ACOXL: variants seen among roughly 807,000 people sequenced by gnomAD.
ACOXL encodes the protein acyl-CoA oxidase like, also known as acyl-coenzyme A oxidase-like protein.
In ACOXL, 70 loss-of-function variants were observed where a neutral mutation model predicts 71.9. The ratio of observed to expected loss-of-function variants is 0.97; its 90% CI spans 0.80 to 1.19. The LOEUF (loss-of-function observed/expected upper bound fraction) is 1.19, where lower values mean the gene tolerates loss of function less well. Ranked by LOEUF, ACOXL falls within the 50% of genes most tolerant of loss-of-function variation. The pLI, the probability that ACOXL is intolerant of heterozygous loss-of-function variation, is 0.00. For missense variants in ACOXL, 703 were observed against 736.3 expected (o/e 0.95, Z 0.52); for synonymous variants, 253 against 281.6 (o/e 0.90, Z 1.02).
chr2:111,069,995 TAGA>T lies in ACOXL; in HGVS notation c.1440+20716_1440+20718del, dbSNP rs2067263847. On this transcript the variant is annotated intron_variant, in intron 16 of 17. Coordinates refer to ENST00000439055, the MANE Select transcript of ACOXL (RefSeq NM_001142807.4). Reference sequence around the variant, plus strand: ...GCAGCCAGCCCTGTGACCCCCCAAATAGAAGAAGAAGCATGTCCGTCGGCCTGC... The same window carrying T: ...GCAGCCAGCCCTGTGACCCCCCAAATAGAAGAAGCATGTCCGTCGGCCTGC... Among the ~76,000 whole-genome samples the T allele has an allele frequency of 2.0e-5, 3 of 151,920 alleles. No homozygotes were observed. The South Asian group carries it at 6.3e-4, about 32-fold the overall frequency.
chr2:110,763,473 G>A (rs888874412), intron 1 of ACOXL, among the ~76,000 whole-genome samples: 2 of 152,156 alleles, frequency 1.3e-5, no homozygotes, highest in Non-Finnish European at 2.9e-5. Flanking sequence ...GTGACAACTG[G>A]ACGTCAACAT....
intron 12 of ACOXL, among the ~76,000 whole-genome samples, chr2:110,959,415 A>G (rs1224504659): frequency 6.6e-6 from 1 of 152,142 alleles, no homozygotes; most frequent in African/African-American, 2.4e-5. Context: ...TTTCTTGGGC[A>G]CCGGCTCAAA....
chr2:110,797,654 C>T lies in ACOXL; in HGVS notation c.346-956C>T, dbSNP rs771351777. ...GGAAGGTTCAGGGCCTGGGAAACAGCGAGGAACCAAGTGATTTGCCCAGAA... is the reference window on the plus strand; with the variant it reads ...GGAAGGTTCAGGGCCTGGGAAACAGTGAGGAACCAAGTGATTTGCCCAGAA... On this transcript the variant is annotated intron_variant, in intron 5 of 17. Coordinates refer to ENST00000439055, the MANE Select transcript of ACOXL (RefSeq NM_001142807.4). Among the ~76,000 whole-genome samples the T allele has an allele frequency of 3.3e-5, 5 of 152,246 alleles. No homozygotes were observed. The East Asian group carries it at 7.7e-4, about 24-fold the overall frequency.
intron 10 of ACOXL, among the ~76,000 whole-genome samples, chr2:110,901,006 C>T (rs1201721703): frequency 1.3e-5 from 2 of 152,198 alleles, no homozygotes; most frequent in Admixed American, 1.3e-4. Context: ...TGGGAGGAGG[C>T]AGCCTGATCC....
chr2:111,088,118 C>T (rs1175055672), intron 16 of ACOXL, among the ~76,000 whole-genome samples: 3 of 152,156 alleles, frequency 2.0e-5, no homozygotes, highest in Admixed American at 6.6e-5. Flanking sequence ...GTCAAAATGG[C>T]TGTTATTAAA....
At chr2:110,802,942 T>G (rs1391570839) in intron 8 of ACOXL, among the ~76,000 whole-genome samples, 5 of 152,220 alleles carry the variant, frequency 3.3e-5, no homozygotes, top group Non-Finnish European at 5.9e-5. Context: ...ACCCTGATTT[T>G]ATTATTATAC....
At chr2:111,054,056 C>T (rs1216584806) in intron 16 of ACOXL, among the ~76,000 whole-genome samples, 5 of 152,160 alleles carry the variant, frequency 3.3e-5, no homozygotes, top group Non-Finnish European at 5.9e-5. Flanking sequence ...CTGGAACATT[C>T]CCCATGCTAC....
chr2:110,774,872 G>C (rs75783221), intron 2 of ACOXL, among the ~76,000 whole-genome samples: 1 of 152,172 alleles, frequency 6.6e-6, no homozygotes, highest in Non-Finnish European at 1.5e-5. Context: ...AGCAATCTTG[G>C]AAAAGAAGAA....
intron 1 of ACOXL, among the ~76,000 whole-genome samples, chr2:110,767,177 A>G (rs189245161): frequency 1.1e-4 from 16 of 152,326 alleles, no homozygotes; most frequent in Middle Eastern, 3.4e-3. Flanking sequence ...GTGAGGTCCT[A>G]CAGGCTCAGG....
intron 9 of ACOXL, among the ~76,000 whole-genome samples, chr2:110,835,576 C>T (rs997907009): frequency 3.9e-5 from 6 of 152,338 alleles, no homozygotes; most frequent in Admixed American, 3.9e-4. Context: ...TCCTCCAGAC[C>T]TGCCAGTGGG....
rs939502888 is a variant in ACOXL at position 111,022,638 on chromosome 2, G to A, written c.1282-8989G>A. ...TGGGGACCCCGAGGAAGGCAGCCGC[G>A]TGTTCTGCCCACATCAGCCAGTGCA... On this transcript the variant is annotated intron_variant, in intron 14 of 17. Transcript: ENST00000439055. Among the ~76,000 whole-genome samples, 14 of 152,236 alleles carry A rather than the reference G, an allele frequency of 9.2e-5. No homozygotes were observed. In the South Asian group the frequency reaches 1.5e-3, roughly 16 times the overall value.
chr2:110,759,364 A>G (rs935565396), intron 1 of ACOXL, among the ~76,000 whole-genome samples: 2 of 152,144 alleles, frequency 1.3e-5, no homozygotes, highest in African/African-American at 2.4e-5. Flanking sequence ...GTGCTCCTGT[A>G]TTGGGTGCAT....
intron 10 of ACOXL, among the ~76,000 whole-genome samples, chr2:110,886,107 A>G (rs1259003964): frequency 6.6e-6 from 1 of 152,246 alleles, no homozygotes; most frequent in East Asian, 1.9e-4. Context: ...ATATATATAC[A>G]TGCACGTGCT....
chr2:111,092,080 A>G (rs570803602), intron 16 of ACOXL, among the ~76,000 whole-genome samples: 1 of 152,230 alleles, frequency 6.6e-6, no homozygotes, highest in East Asian at 1.9e-4. Context: ...ACACAGTGAG[A>G]TATTTGTGGG....
At chr2:110,865,304 C>T (rs1020549235) in intron 10 of ACOXL, among the ~76,000 whole-genome samples, 11 of 152,190 alleles carry the variant, frequency 7.2e-5, no homozygotes, top group African/African-American at 2.7e-4. Context: ...ACGGCAGGTG[C>T]GTAGGGTGGG....
At chr2:111,088,505 A>G (rs1267378022) in intron 16 of ACOXL, among the ~76,000 whole-genome samples, 1 of 152,212 alleles carries the variant, frequency 6.6e-6, no homozygotes, top group African/African-American at 2.4e-5. Context: ...ACTGGAGCCC[A>G]TTATCCTTAA....
rs144328558 is a variant in ACOXL, at chr2:110,894,090, T to C, written c.789-14699T>C. ...ACTTTCTAAAAGTCGTATCTAAATA[T>C]GTCATATTTGAAACCTGCAATAGAA... On this transcript the variant is annotated intron_variant, in intron 10 of 17. Transcript: ENST00000439055. Among the ~76,000 whole-genome samples, 1,480 of 152,274 alleles carry C rather than the reference T, an allele frequency of 9.7e-3. 27 individuals carry two copies. The highest frequency in any genetic ancestry group is 0.033 in the African/African-American group (1,392 of 41,560).
chr2:110,868,138 G>T (rs1220548553), intron 10 of ACOXL, among the ~76,000 whole-genome samples: 1 of 152,214 alleles, frequency 6.6e-6, no homozygotes, highest in African/African-American at 2.4e-5. Context: ...CTACATTTTT[G>T]TGTAACGAAT....
At chr2:110,899,643 G>T (rs1175044501) in intron 10 of ACOXL, among the ~76,000 whole-genome samples, 1 of 152,108 alleles carries the variant, frequency 6.6e-6, no homozygotes, top group Non-Finnish European at 1.5e-5. Context: ...ATACAACAGT[G>T]AAATAATTAG....
Sources: gnomAD v4.1 joint callset for allele counts (sites outside exome capture counted in the v4.1 genomes callset) on GRCh38, gnomAD v4.1.1 for gene constraint, MANE v1.5 for transcripts, NCBI Gene and HGNC (gene_info 2026-07-23, HGNC 2026-07-21) for gene names.